PTPA: variants seen among roughly 807,000 people sequenced by gnomAD.
PTPA encodes serine/threonine-protein phosphatase 2A activator.
A neutral mutation model predicts 43.6 loss-of-function variants in PTPA; 13 were observed. The observed-to-expected ratio is 0.30, with a 90% CI of 0.19 to 0.47. PTPA has a LOEUF of 0.47. Among genes scored for constraint, PTPA ranks in the 20% least tolerant of loss-of-function variants. The pLI, the probability that PTPA is intolerant of heterozygous loss-of-function variation, is 0.99. For synonymous variants in PTPA, 172 were observed against 158.2 expected (o/e 1.09, Z -0.66); for missense variants, 329 against 411.9 (o/e 0.80, Z 1.74).
chr9:129,111,142 G>T (rs1848439686), upstream of PTPA: 3 of 1,273,354 alleles, frequency 2.4e-6, no homozygotes, highest in African/African-American at 3.0e-5. Context: ...TATTCCTTGG[G>T]TTAGGGTCAG....
chr9:129,123,967 G>A (rs1262126998), intron 3 of PTPA, among the ~76,000 whole-genome samples: 1 of 150,834 alleles, frequency 6.6e-6, no homozygotes, highest in Non-Finnish European at 1.5e-5. Flanking sequence ...ACAGGCATGA[G>A]CCACTGCGCC....
chr9:129,137,994 C>T lies in PTPA; in HGVS notation c.786+302C>T, dbSNP rs148970135. 870 of 355,442 alleles carry T rather than the reference C, an allele frequency of 2.4e-3. 11 individuals carry two copies. In the East Asian group the frequency reaches 0.027, roughly 11 times the overall value. 22.0% of individuals were successfully genotyped at this position (355,442 alleles called of 1,614,324 possible). A position where few individuals can be genotyped will look rare whatever the true frequency, so the allele number is the denominator to read the frequency against. On this transcript the variant is annotated intron_variant, in intron 8 of 9. Coordinates refer to ENST00000393370, the MANE Select transcript of PTPA (RefSeq NM_178000.3). Reference sequence around the variant, plus strand: ...ACTGCTGCAGCAGGTCTGAAAGGGTCGGGGCGGGCGGAGGTTTGTGGGGGA... The same window carrying T: ...ACTGCTGCAGCAGGTCTGAAAGGGTTGGGGCGGGCGGAGGTTTGTGGGGGA...
upstream of PTPA, chr9:129,111,021 A>C (rs763439983): frequency 2.2e-6 from 3 of 1,369,682 alleles, no homozygotes; most frequent in Non-Finnish European, 2.9e-6. Context: ...CATGTCTTCT[A>C]AGCTGTTGGA....
At chr9:129,117,807 C>T (rs2131546129) in intron 1 of PTPA, among the ~76,000 whole-genome samples, 1 of 152,084 alleles carries the variant, frequency 6.6e-6, no homozygotes, top group Non-Finnish European at 1.5e-5. Context: ...AGCGATTCTC[C>T]TGCTTCAGCC....
chr9:129,135,344 G>C (rs549853529), intron 6 of PTPA, among the ~76,000 whole-genome samples: 1 of 152,078 alleles, frequency 6.6e-6, no homozygotes, highest in South Asian at 2.1e-4. Context: ...AGTGAGCTGA[G>C]ATCGTGCCAC....
chr9:129,146,239 C>T (rs1455619298), intron 9 of PTPA, among the ~76,000 whole-genome samples: 1 of 152,206 alleles, frequency 6.6e-6, no homozygotes, highest in Admixed American at 6.5e-5. Flanking sequence ...CTCCCGCATT[C>T]TGTGTCTCAG....
intron 5 of PTPA, among the ~76,000 whole-genome samples, chr9:129,133,064 C>G (rs1348538373): frequency 1.3e-5 from 2 of 150,428 alleles, no homozygotes; most frequent in Non-Finnish European, 3.0e-5. Flanking sequence ...CACGGCCTGT[C>G]GAGCCACCAT....
chr9:129,122,800 AAT>A (rs1370566125), intron 2 of PTPA, among the ~76,000 whole-genome samples: 1 of 152,222 alleles, frequency 6.6e-6, no homozygotes, highest in African/African-American at 2.4e-5. Flanking sequence ...TGCTGGCAGC[AAT>A]AGTGAGTACT....
intron 1 of PTPA, among the ~76,000 whole-genome samples, chr9:129,113,580 G>A (rs1848684406): frequency 6.6e-6 from 1 of 151,748 alleles, no homozygotes; most frequent in African/African-American, 2.4e-5. Flanking sequence ...ACCAGCCATG[G>A]CCAACATGGC....
intron 9 of PTPA, among the ~76,000 whole-genome samples, chr9:129,144,731 T>A (rs1372666351): frequency 2.1e-5 from 1 of 48,696 alleles, no homozygotes; most frequent in African/African-American, 7.3e-5. Context: ...AGAGCGAGAC[T>A]CTCTCAAAAA....
chr9:129,121,841 C>G (rs1174545565), intron 2 of PTPA, among the ~76,000 whole-genome samples: 4 of 152,212 alleles, frequency 2.6e-5, no homozygotes, highest in Non-Finnish European at 4.4e-5. Flanking sequence ...GCAGTCAGGA[C>G]AGGGGCTCAG....
chr9:129,124,852 C>T (rs1849475534), intron 3 of PTPA, among the ~76,000 whole-genome samples: 1 of 152,244 alleles, frequency 6.6e-6, no homozygotes, highest in African/African-American at 2.4e-5. Flanking sequence ...CCAAGATTAA[C>T]ACTGTGTGCC....
Position 129,123,128 on chromosome 9 carries a change from G to C in PTPA, c.206G>C (p.Arg69Thr). The C allele has an allele frequency of 6.2e-7, 1 of 1,608,856 alleles. No homozygotes were observed. Among genetic ancestry groups the C allele is most frequent in the East Asian group, 2.2e-5 (1 of 44,832 alleles). Residue 69 changes from arginine to threonine, a missense_variant, in exon 3 of 10, where the codon AGA becomes ACA. Physicochemically the swap from Arg to Thr is moderately conservative, Grantham distance 71. Coordinates refer to ENST00000393370, the MANE Select transcript of PTPA (RefSeq NM_178000.3). ...GGGAAGAAGCTGACCTTCGAGTACA[G>C]AGTCTCCGAGGTAGGCCCAAGGAGG... ...VKGKKLTFEY[R>T]VSEAIEKLVA...
At chr9:129,121,830 T>G (rs531559462) in intron 2 of PTPA, among the ~76,000 whole-genome samples, 21 of 152,336 alleles carry the variant, frequency 1.4e-4, no homozygotes, top group African/African-American at 5.0e-4. Context: ...CCAGTGTAGC[T>G]GCAGTCAGGA....
At chr9:129,136,881 C>G (rs917620661) in intron 7 of PTPA, among the ~76,000 whole-genome samples, 1 of 152,152 alleles carries the variant, frequency 6.6e-6, no homozygotes, top group Non-Finnish European at 1.5e-5. Flanking sequence ...GCATAATGGA[C>G]TGGTGTGAAA....
At chr9:129,114,220 G>T (rs1229325947) in intron 1 of PTPA, among the ~76,000 whole-genome samples, 1 of 152,046 alleles carries the variant, frequency 6.6e-6, no homozygotes, top group Non-Finnish European at 1.5e-5. Context: ...ATGGGATTTC[G>T]CCGTGTGGGC....
chr9:129,120,674 C>A, intron 2 of PTPA, 64 bp downstream of exon 2: 1 of 1,444,388 alleles, frequency 6.9e-7, no homozygotes, highest in Non-Finnish European at 9.7e-7. Flanking sequence ...CCTAGCATGA[C>A]GGGCGGTGAG....
chr9:129,134,935 G>C (rs1850258492), intron 6 of PTPA, 41 bp downstream of exon 6: 1 of 1,554,836 alleles, frequency 6.4e-7, no homozygotes, highest in Admixed American at 1.7e-5. Context: ...GGGGCGTGAG[G>C]GGCCATCTGT....
At chr9:129,127,959 T>C (rs1297180060) in intron 3 of PTPA, 20 of 1,323,496 alleles carry the variant, frequency 1.5e-5, no homozygotes, top group Non-Finnish European at 2.0e-5. Context: ...TATGTTTATA[T>C]GTAGATGTGG....
Sources: gnomAD v4.1 joint callset for allele counts (sites outside exome capture counted in the v4.1 genomes callset) on GRCh38, gnomAD v4.1.1 for gene constraint, MANE v1.5 for transcripts, NCBI Gene and HGNC (gene_info 2026-07-23, HGNC 2026-07-21) for gene names.